Variants in RGS20 observed in about 807,000 individuals in gnomAD.
RGS20 encodes the protein regulator of G protein signaling 20, also known as gz-selective GTPase-activating protein.
Under a neutral mutation model 33.6 loss-of-function variants are expected in RGS20, and 30 were observed. The observed-to-expected ratio is 0.89, with a 90% CI of 0.67 to 1.21. The LOEUF (loss-of-function observed/expected upper bound fraction) is 1.21, where lower values mean the gene tolerates loss of function less well. Among genes scored for constraint, RGS20 ranks in the 50% most tolerant of loss-of-function variants. The probability of loss-of-function intolerance (pLI) is 0.00; values close to 1 mark genes in which losing one functional copy is unlikely to be tolerated. For synonymous variants in RGS20, 208 were observed against 197.9 expected, an observed-to-expected ratio of 1.05 and a Z score of -0.43; for missense variants, 472 against 502.4, an observed-to-expected ratio of 0.94 and a Z score of 0.58.
chr8:53,876,615 G>C (rs1011900560), intron 1 of RGS20: 1 of 152,268 alleles, frequency 6.6e-6, no homozygotes, highest in African/African-American at 2.4e-5. Flanking sequence ...TGGCTACATT[G>C]ATACTCTTCG....
intron 5 of RGS20, among the ~76,000 whole-genome samples, chr8:53,955,938 G>T (rs28412019): frequency 6.6e-6 from 1 of 151,984 alleles, no homozygotes; most frequent in Non-Finnish European, 1.5e-5. Flanking sequence ...ACTATGTGCC[G>T]ACAGGAATGT....
chr8:53,924,484 G>A (rs1031037944), intron 2 of RGS20, among the ~76,000 whole-genome samples: 5 of 151,722 alleles, frequency 3.3e-5, no homozygotes, highest in Non-Finnish European at 5.9e-5. Flanking sequence ...CACCGTGCCT[G>A]GACTAGTTTT....
chr8:53,916,213 G>A (rs1405184579), intron 2 of RGS20, among the ~76,000 whole-genome samples: 1 of 152,082 alleles, frequency 6.6e-6, no homozygotes, highest in Non-Finnish European at 1.5e-5. Context: ...GTAGAGACAA[G>A]GTTTCACTGT....
At chr8:53,930,217 G>T (rs1329660722) in intron 2 of RGS20, among the ~76,000 whole-genome samples, 1 of 152,212 alleles carries the variant, frequency 6.6e-6, no homozygotes, top group East Asian at 1.9e-4. Flanking sequence ...GGAACTGTAA[G>T]AGAATTCAAT....
At chr8:53,956,446 T>C (rs1814865129) in intron 5 of RGS20, among the ~76,000 whole-genome samples, 1 of 152,128 alleles carries the variant, frequency 6.6e-6, no homozygotes, top group Non-Finnish European at 1.5e-5. Context: ...CAGAGTGAAT[T>C]TGGAGAAGAC....
chr8:53,869,946 C>T (rs1034920130), intron 1 of RGS20, among the ~76,000 whole-genome samples: 5 of 152,096 alleles, frequency 3.3e-5, no homozygotes, highest in African/African-American at 1.2e-4. Context: ...GTTTGAACTT[C>T]CTGCAGGTGC....
chr8:53,898,809 C>T (rs537790046), intron 2 of RGS20, among the ~76,000 whole-genome samples: 3 of 152,184 alleles, frequency 2.0e-5, no homozygotes, highest in African/African-American at 4.8e-5. Context: ...ACTATAAATA[C>T]AATAATTCTC....
chr8:53,924,674 T>C (rs372179234), intron 2 of RGS20, among the ~76,000 whole-genome samples: 6 of 152,214 alleles, frequency 3.9e-5, no homozygotes, highest in Non-Finnish European at 7.3e-5. Flanking sequence ...GTTGATCTTT[T>C]TTCTGTCCTC....
At chr8:53,928,476 G>T (rs1585930059) in intron 2 of RGS20, among the ~76,000 whole-genome samples, 1 of 152,264 alleles carries the variant, frequency 6.6e-6, no homozygotes, top group South Asian at 2.1e-4. Context: ...TTATAGTTCA[G>T]TAAACATGAA....
rs1319636111 is a variant in RGS20 at position 53,939,700 on chromosome 8, G to A, written c.635G>A (p.Trp212Ter). The change falls in exon 3 of 6, where the codon TGG becomes TAG. Residue 212 changes from tryptophan to a stop codon, truncating the protein, a stop_gained. Coordinates refer to ENST00000297313, the MANE Select transcript of RGS20 (RefSeq NM_170587.4). LOFTEE classifies it high-confidence loss of function. ...GGGTCCAACGCATGCTGCTTCTGCT[G>A]GTGCTGCTGTTGTAGCTGCTCGTGG... 6.4e-7 allele frequency: 1 copy of A among 1,563,328 alleles called. No individual in the cohort carries two copies. The highest frequency in any genetic ancestry group is 1.9e-5 in the Admixed American group (1 of 51,454).
chr8:53,857,585 C>T (rs1234847018), intron 1 of RGS20, among the ~76,000 whole-genome samples: 1 of 152,176 alleles, frequency 6.6e-6, no homozygotes, highest in African/African-American at 2.4e-5. Context: ...GTGATCTATT[C>T]TACAGTATGG....
intron 1 of RGS20, among the ~76,000 whole-genome samples, chr8:53,857,862 CA>C (rs750547053): frequency 6.6e-5 from 10 of 151,442 alleles, no homozygotes; most frequent in Non-Finnish European, 8.8e-5. Context: ...ATGTATATTT[CA>C]AAGTTGCAAA....
chr8:53,863,779 T>C (rs1173419110), intron 1 of RGS20, among the ~76,000 whole-genome samples: 1 of 145,492 alleles, frequency 6.9e-6, no homozygotes, highest in Non-Finnish European at 1.5e-5. Flanking sequence ...CAGGCTGGAG[T>C]GCAATGGCGC....
intron 2 of RGS20, among the ~76,000 whole-genome samples, chr8:53,921,130 T>C (rs1813633682): frequency 6.6e-6 from 1 of 152,228 alleles, no homozygotes. Flanking sequence ...GTTTATTTTT[T>C]ATGTTAAACT....
chr8:53,956,944 GC>G (rs1353477864), intron 5 of RGS20, among the ~76,000 whole-genome samples: 1 of 152,108 alleles, frequency 6.6e-6, no homozygotes, highest in African/African-American at 2.4e-5. Flanking sequence ...TCTAGGAAGA[GC>G]CAAACATCAG....
intron 4 of RGS20, among the ~76,000 whole-genome samples, 199 bp downstream of exon 3, chr8:53,946,947 A>G (rs146998651): frequency 9.8e-4 from 149 of 151,890 alleles, no homozygotes; most frequent in African/African-American, 3.5e-3. Context: ...AATCAGTTCC[A>G]TTATTAGTCT....
At chr8:53,919,224 T>A (rs1813577446) in intron 2 of RGS20, among the ~76,000 whole-genome samples, 1 of 152,238 alleles carries the variant, frequency 6.6e-6, no homozygotes, top group African/African-American at 2.4e-5. Flanking sequence ...TCTCCATTTT[T>A]AAATTGGGTT....
At chr8:53,933,806 T>C in intron 2 of RGS20, 1 of 152,044 alleles carries the variant, frequency 6.6e-6, no homozygotes, top group East Asian at 1.9e-4. Flanking sequence ...CTCATAATCA[T>C]CAGATTCACC....
chr8:53,925,585 A>G (rs1211312352), intron 2 of RGS20, among the ~76,000 whole-genome samples: 1 of 152,052 alleles, frequency 6.6e-6, no homozygotes, highest in African/African-American at 2.4e-5. Flanking sequence ...AAAATACAAA[A>G]TTAGCTGGGC....
Sources: allele counts gnomAD v4.1 joint callset (sites outside exome capture counted in the v4.1 genomes callset), GRCh38; gene constraint gnomAD v4.1.1; transcripts MANE v1.5; gene names NCBI Gene and HGNC (gene_info 2026-07-23, HGNC 2026-07-21).